Variants in OTOG observed in about 807,000 individuals in gnomAD.
OTOG encodes otogelin.
A neutral mutation model predicts 313.8 loss-of-function variants in OTOG; 296 were observed. The observed-to-expected ratio is 0.94, with a 90% CI of 0.86 to 1.04. The LOEUF (loss-of-function observed/expected upper bound fraction) is 1.04. Ranked by LOEUF, OTOG falls within the 50% of genes least tolerant of loss-of-function variation. The pLI is 0.00. For missense variants in OTOG, 3,948 were observed against 3,840.1 expected, an observed-to-expected ratio of 1.03 and a Z score of -0.74; for synonymous variants, 1,533 against 1,554.9, an observed-to-expected ratio of 0.99 and a Z score of 0.33.
intron 36 of OTOG, 95 bp downstream of exon 36, chr11:17,611,518 A>T: frequency 8.1e-7 from 1 of 1,234,904 alleles, no homozygotes; most frequent in South Asian, 1.6e-5. Context: ...CGCTATCCTC[A>T]TACCTGCCCC....
chr11:17,634,869 T>A lies in OTOG; in HGVS notation c.7506T>A (p.Gly2502=). 1.3e-6 allele frequency: 2 copies of A among 1,548,272 alleles called. No individual in the cohort carries two copies. Among genetic ancestry groups the A allele is most frequent in the Non-Finnish European group, 1.7e-6 (2 of 1,146,274 alleles). The change falls in exon 45 of 56, where the codon GGT becomes GGA. Residue 2502 remains glycine (G), a synonymous_variant. Coordinates refer to ENST00000399397, the MANE Select transcript of OTOG (RefSeq NM_001292063.2). The part of the protein sequence containing the change: ...VCVCNQTLCE[G]LAPTCRPGHR... ...TGTGTAACCAGACTCTGTGTGAGGG[T>A]CTCGCCCCCACATGCCGCCCAGGCC...
chr11:17,570,591 C>T (rs1309315006), intron 17 of OTOG: 12 of 517,106 alleles, frequency 2.3e-5, no homozygotes, highest in African/African-American at 1.9e-5. Context: ...GTGGAATCAC[C>T]TCAGGAGCTT....
intron 39 of OTOG, among the ~76,000 whole-genome samples, chr11:17,625,327 C>A (rs780688322): frequency 6.6e-6 from 1 of 152,052 alleles, no homozygotes. Context: ...GAGGTATGTT[C>A]CTTTAACACG....
intron 20 of OTOG, 47 bp downstream of exon 20, chr11:17,574,959 AG>A: frequency 1.4e-6 from 2 of 1,433,334 alleles, no homozygotes; most frequent in Non-Finnish European, 1.8e-6. Context: ...AGGTGAGGCC[AG>A]GGGTCTCCAG....
At chr11:17,560,659 T>G (rs1378981865) in intron 12 of OTOG, 50 bp from the exon 13 acceptor site, 1 of 1,404,660 alleles carries the variant, frequency 7.1e-7, no homozygotes, top group Admixed American at 2.0e-5. Flanking sequence ...CACGAATGGT[T>G]TGTGAACAGG....
In OTOG at chr11:17,634,103, G is replaced by A; in HGVS notation, c.7302G>A (p.Leu2434=). The A allele has an allele frequency of 5.2e-6, 8 of 1,547,994 alleles. No individual in the cohort carries two copies. The highest frequency in any genetic ancestry group is 7.0e-6 in the Non-Finnish European group (8 of 1,146,938). ...ACAGCATGGGGGTGCCGAGGGCCCT[G>A]GGGGAGACCTGGAACAGCTCCCTCA... is the stretch of plus-strand genomic sequence containing the variant. ...CTDSMGVPRA[L]GETWNSSLSG... The change falls in exon 44 of 56, where the codon CTG becomes CTA. Residue 2434 remains leucine (L), a synonymous_variant. Coordinates refer to ENST00000399397, the MANE Select transcript of OTOG (RefSeq NM_001292063.2).
intron 38 of OTOG, among the ~76,000 whole-genome samples, chr11:17,613,362 T>C (rs577385456): frequency 9.7e-5 from 10 of 102,832 alleles, no homozygotes; most frequent in East Asian, 4.3e-4. Flanking sequence ...CCTTCCTTCC[T>C]TCCTTCCTTC....
At chr11:17,553,052 AG>A (rs1415039865) in intron 4 of OTOG, 66 bp from the exon 5 acceptor site, 7 of 1,454,102 alleles carry the variant, frequency 4.8e-6, no homozygotes, top group African/African-American at 1.4e-5. Context: ...GAAGCCTGAG[AG>A]GGCTGCCTCC....
At chr11:17,607,862 A>G (rs944389310) in intron 33 of OTOG, among the ~76,000 whole-genome samples, 1 of 152,122 alleles carries the variant, frequency 6.6e-6, no homozygotes, top group Non-Finnish European at 1.5e-5. Flanking sequence ...GCCCTGCTAG[A>G]GACAAGGCAA....
chr11:17,602,494 A>C (rs949501148), intron 32 of OTOG, 117 bp downstream of exon 32: 1 of 1,164,302 alleles, frequency 8.6e-7, no homozygotes, highest in Non-Finnish European at 1.2e-6. Context: ...GGCTCCGACA[A>C]GTGCCCCTCT....
rs991270279 is a variant in OTOG at position 17,559,490 on chromosome 11, G to A, written c.1214-44G>A. The A allele has an allele frequency of 2.6e-6, 4 of 1,549,830 alleles. No individual in the cohort carries two copies. The East Asian group carries it at 7.3e-5, about 28-fold the overall frequency. ...GGGGTAGGAGCTGGGTCCTGGCAGA[G>A]CTGGGGCCAGTAGCTGAGAGACCAT... On this transcript the variant is annotated intron_variant, in intron 11 of 55. Transcript: ENST00000399397.
chr11:17,551,936 G>A lies in OTOG; in HGVS notation c.217-64G>A. On this transcript the variant is annotated intron_variant, in intron 3 of 55. Transcript: ENST00000399397. ...CAAAGAGGGCTGTGGCCACCAGGAA[G>A]CCTGCCTGGGAACCCGTCCTGAGGT... 2.1e-6 allele frequency: 3 copies of A among 1,449,144 alleles called. No homozygotes were observed. In the South Asian group the frequency reaches 3.7e-5, roughly 18 times the overall value. 89.8% of individuals were successfully genotyped at this position (1,449,144 alleles called of 1,614,324 possible). A position where few individuals can be genotyped will look rare whatever the true frequency, so the allele number is the denominator to read the frequency against.
Position 17,557,102 on chromosome 11 carries a change from G to A in OTOG, c.660-16G>A, listed in dbSNP as rs1438565996. On this transcript the variant is annotated splice_polypyrimidine_tract_variant and intron_variant, in intron 7 of 55. Transcript: ENST00000399397. Reference sequence around the variant, plus strand: ...GGTGTTGTGGATACCCTGAAGCTCTGGGATGTGCCCTGCAGGGTCCAACTG... The same window carrying A: ...GGTGTTGTGGATACCCTGAAGCTCTAGGATGTGCCCTGCAGGGTCCAACTG... 6.5e-7 allele frequency: 1 copy of A among 1,547,984 alleles called. No homozygotes were observed. The highest frequency in any genetic ancestry group is 1.2e-5 in the South Asian group (1 of 84,024).
chr11:17,639,756 G>A (rs1435824606), intron 49 of OTOG, among the ~76,000 whole-genome samples: 1 of 152,040 alleles, frequency 6.6e-6, no homozygotes, highest in African/African-American at 2.4e-5. Context: ...GGGACAGTGA[G>A]GAGGATGGTG....
chr11:17,574,162 G>A (rs1178582611), intron 19 of OTOG, among the ~76,000 whole-genome samples: 1 of 152,216 alleles, frequency 6.6e-6, no homozygotes, highest in East Asian at 1.9e-4. Context: ...ATCCCACAGA[G>A]TGTAGGAGAC....
At chr11:17,598,870 C>G (rs1853177002) in intron 30 of OTOG, among the ~76,000 whole-genome samples, 1 of 152,210 alleles carries the variant, frequency 6.6e-6, no homozygotes, top group East Asian at 1.9e-4. Context: ...TCTCCTGACT[C>G]CTAGTGTTCT....
At chr11:17,577,865 G>A (rs6486380) in intron 22 of OTOG, among the ~76,000 whole-genome samples, 65,630 of 151,940 alleles carry the variant, frequency 0.43, 14,443 homozygotes, top group African/African-American at 0.49. Context: ...TGAGGGAGAG[G>A]GGGTGCATTC....
chr11:17,616,690 C>T (rs1853728385), intron 39 of OTOG, among the ~76,000 whole-genome samples: 1 of 152,146 alleles, frequency 6.6e-6, no homozygotes, highest in Admixed American at 6.5e-5. Context: ...ATTACTAATG[C>T]AAATACAGCT....
rs1004033505 is a variant in OTOG, at chr11:17,593,277, A to G, written c.3091A>G (p.Ile1031Val). Reference sequence around the variant, plus strand: ...CATGATCTGCAGGAAATTTATTTCCATCAACGTTGGGAACTCACTCATTGT... The same window carrying G: ...CATGATCTGCAGGAAATTTATTTCCGTCAACGTTGGGAACTCACTCATTGT... ...SGMICRKFIS[I>V]NVGNSLIVFD... Residue 1031 changes from isoleucine to valine, a missense_variant, in exon 26 of 56, where the codon ATC becomes GTC. Coordinates refer to ENST00000399397, the MANE Select transcript of OTOG (RefSeq NM_001292063.2). 2.3e-5 allele frequency: 35 copies of G among 1,550,422 alleles called. No individual in the cohort carries two copies. The highest frequency in any genetic ancestry group is 2.8e-5 in the Non-Finnish European group (32 of 1,146,924).
Sources: allele counts gnomAD v4.1 joint callset (sites outside exome capture counted in the v4.1 genomes callset), GRCh38; gene constraint gnomAD v4.1.1; transcripts MANE v1.5; gene names NCBI Gene and HGNC (gene_info 2026-07-23, HGNC 2026-07-21).